The following PHACTR1 variants were observed in gnomAD, a reference collection of about 807,000 sequenced individuals.
PHACTR1 encodes RPEL repeat containing 1.
A neutral mutation model predicts 69.2 loss-of-function variants in PHACTR1; 16 were observed. That is an observed-to-expected ratio of 0.23 (90% CI 0.16 to 0.35). The LOEUF (loss-of-function observed/expected upper bound fraction) is 0.35, where lower values mean the gene tolerates loss of function less well. Ranked by LOEUF, PHACTR1 falls within the 10% of genes least tolerant of loss-of-function variation. The pLI is 1.00. For synonymous variants in PHACTR1, 312 were observed against 284.5 expected (o/e 1.10, Z -0.97); for missense variants, 510 against 734.7 (o/e 0.69, Z 3.54).
At chr6:13,079,528 C>G (rs757575172) in intron 5 of PHACTR1, among the ~76,000 whole-genome samples, 1 of 152,058 alleles carries the variant, frequency 6.6e-6, no homozygotes, top group Non-Finnish European at 1.5e-5. Context: ...TCACTCCTCT[C>G]GCTACAGGAG....
chr6:12,951,705 G>A (rs904670460), intron 4 of PHACTR1, among the ~76,000 whole-genome samples: 1 of 152,198 alleles, frequency 6.6e-6, no homozygotes, highest in East Asian at 1.9e-4. Flanking sequence ...CCTGAGCCTG[G>A]CCTCCTAGCA....
At chr6:12,865,560 G>A (rs1207631351) in intron 4 of PHACTR1, among the ~76,000 whole-genome samples, 2 of 152,000 alleles carry the variant, frequency 1.3e-5, no homozygotes, top group African/African-American at 4.8e-5. Flanking sequence ...TCTTTAATGG[G>A]CACCTTTGTA....
intron 4 of PHACTR1, among the ~76,000 whole-genome samples, chr6:12,779,430 A>G (rs1173684557): frequency 6.6e-6 from 1 of 151,520 alleles, no homozygotes; most frequent in Non-Finnish European, 1.5e-5. Context: ...TCATTAGCTC[A>G]GTTAAACTTT....
chr6:12,905,134 C>G (rs1785586977), intron 4 of PHACTR1, among the ~76,000 whole-genome samples: 1 of 152,086 alleles, frequency 6.6e-6, no homozygotes, highest in African/African-American at 2.4e-5. Context: ...TGGAGCCTGG[C>G]TTAAATGGGG....
intron 4 of PHACTR1, among the ~76,000 whole-genome samples, chr6:12,825,924 A>C (rs1776755726): frequency 6.6e-6 from 1 of 152,208 alleles, no homozygotes; most frequent in Non-Finnish European, 1.5e-5. Context: ...AAAGAAAAGA[A>C]AAGAAACATT....
chr6:12,927,591 A>G (rs1232918086), intron 4 of PHACTR1, among the ~76,000 whole-genome samples: 1 of 152,232 alleles, frequency 6.6e-6, no homozygotes, highest in African/African-American at 2.4e-5. Context: ...TTAAAGTCAC[A>G]CGGCCAGGAT....
chr6:13,271,112 G>A (rs1349729144), intron 10 of PHACTR1, among the ~76,000 whole-genome samples: 4 of 151,558 alleles, frequency 2.6e-5, no homozygotes, highest in East Asian at 1.9e-4. Flanking sequence ...AGGTTCAAGC[G>A]ATTCTCCTGC....
intron 4 of PHACTR1, among the ~76,000 whole-genome samples, chr6:12,799,619 G>A (rs1433610001): frequency 2.6e-5 from 4 of 152,144 alleles, no homozygotes; most frequent in Non-Finnish European, 5.9e-5. Context: ...ACCTAACCCA[G>A]CCACCATTGC....
intron 4 of PHACTR1, among the ~76,000 whole-genome samples, chr6:12,825,305 C>T (rs899073613): frequency 2.0e-5 from 3 of 150,294 alleles, no homozygotes; most frequent in Non-Finnish European, 4.4e-5. Context: ...AGAACAAAAC[C>T]CTCTCTCTCT....
At chr6:12,777,218 G>GTTTT (rs199840865) in intron 4 of PHACTR1, among the ~76,000 whole-genome samples, 1 of 147,732 alleles carries the variant, frequency 6.8e-6, no homozygotes, top group Non-Finnish European at 1.5e-5. Flanking sequence ...TCAGACTACG[G>GTTTT]TTTTATATAT....
At chr6:13,170,279 A>G (rs181039765) in intron 6 of PHACTR1, among the ~76,000 whole-genome samples, 1 of 152,182 alleles carries the variant, frequency 6.6e-6, no homozygotes, top group Non-Finnish European at 1.5e-5. Context: ...AAATGTTTCC[A>G]TAAATTTAAG....
intron 4 of PHACTR1, among the ~76,000 whole-genome samples, chr6:12,817,023 G>T (rs908103178): frequency 1.4e-4 from 21 of 152,168 alleles, no homozygotes; most frequent in Non-Finnish European, 1.6e-4. Context: ...GCCTGCCTCT[G>T]TGTGAATCTA....
At chr6:13,160,094 A>G (rs1758765694) in intron 5 of PHACTR1, 110 bp from the exon 6 acceptor site, 2 of 930,524 alleles carry the variant, frequency 2.1e-6, no homozygotes, top group Admixed American at 3.7e-5. Context: ...AGCACGATTT[A>G]CAGAAGCTTT....
intron 4 of PHACTR1, among the ~76,000 whole-genome samples, chr6:12,921,691 T>G (rs1582496395): frequency 9.7e-5 from 8 of 82,092 alleles, no homozygotes; most frequent in East Asian, 3.5e-4. Flanking sequence ...GGAGGAAGGA[T>G]GGAAAGAAGC....
At chr6:12,787,279 G>A (rs539731865) in intron 4 of PHACTR1, among the ~76,000 whole-genome samples, 39 of 152,294 alleles carry the variant, frequency 2.6e-4, no homozygotes, top group African/African-American at 8.2e-4. Flanking sequence ...TCAGGTTAGA[G>A]CCAAGTAGGT....
At chr6:13,062,266 G>C (rs1807793966) in intron 5 of PHACTR1, among the ~76,000 whole-genome samples, 1 of 152,124 alleles carries the variant, frequency 6.6e-6, no homozygotes, top group Non-Finnish European at 1.5e-5. Context: ...CTCTCCCTAA[G>C]ACCCCTCTGC....
intron 7 of PHACTR1, among the ~76,000 whole-genome samples, chr6:13,204,816 TG>T (rs35528876): frequency 6.6e-6 from 1 of 152,126 alleles, no homozygotes; most frequent in Non-Finnish European, 1.5e-5. Flanking sequence ...CCCTAGGTGA[TG>T]GAAGAGGGAA....
chr6:13,136,105 T>C (rs1821505730), intron 5 of PHACTR1, among the ~76,000 whole-genome samples: 1 of 152,158 alleles, frequency 6.6e-6, no homozygotes, highest in Non-Finnish European at 1.5e-5. Flanking sequence ...TTTCCATGCT[T>C]CTTGTCATTA....
chr6:12,773,759 G>A (rs936952621), intron 4 of PHACTR1, among the ~76,000 whole-genome samples: 7 of 152,076 alleles, frequency 4.6e-5, no homozygotes, highest in Non-Finnish European at 8.8e-5. Flanking sequence ...CTCATATTAC[G>A]CTTAAAAATA....
Sources: gnomAD v4.1 joint callset for allele counts (sites outside exome capture counted in the v4.1 genomes callset) on GRCh38, gnomAD v4.1.1 for gene constraint, MANE v1.5 for transcripts, NCBI Gene and HGNC (gene_info 2026-07-23, HGNC 2026-07-21) for gene names.